The following MICB variants were observed in gnomAD, a reference collection of about 807,000 sequenced individuals.
The protein encoded by MICB is MHC class I polypeptide-related sequence B.
Under a neutral mutation model 34.3 loss-of-function variants are expected in MICB, and 27 were observed. The observed-to-expected ratio is 0.79, with a 90% CI of 0.58 to 1.08. The LOEUF (loss-of-function observed/expected upper bound fraction) is 1.08, where lower values mean the gene tolerates loss of function less well. MICB is among the 50% of genes least tolerant of loss of function. The pLI is 0.00. For synonymous variants in MICB, 153 were observed against 187.4 expected (o/e 0.82, Z 1.50); for missense variants, 426 against 483.1 (o/e 0.88, Z 1.11).
chr6:31,506,809 T>C lies in MICB; in HGVS notation c.614-213T>C, dbSNP rs1421111508. On this transcript the variant is annotated intron_variant, in intron 3 of 5. Coordinates refer to ENST00000252229, the MANE Select transcript of MICB (RefSeq NM_005931.5). The stretch of plus-strand genomic sequence containing the variant: ...TTGACATCCCCCTCCTCAGCATCAA[T>C]GTGGGGATCCCAGAGCCTGAGGCCA... 4.6e-5 allele frequency among the ~76,000 whole-genome samples: 7 copies of C among 152,016 alleles called. No homozygotes were observed. In the East Asian group the frequency reaches 1.4e-3, roughly 29 times the overall value.
upstream of MICB, among the ~76,000 whole-genome samples, chr6:31,497,310 C>A (rs567591870): frequency 1.5e-4 from 23 of 152,140 alleles, no homozygotes; most frequent in Admixed American, 5.9e-4. Flanking sequence ...TGTAGAGAGT[C>A]CTTGTAGATC....
rs764262714 is a variant in MICB, at chr6:31,498,245, C to A, written c.52C>A (p.Pro18Thr). The change falls in exon 1 of 6, where the codon CCC becomes ACC. Residue 18 changes from proline (P) to threonine (T), a missense_variant. By Grantham distance (38) the Pro-to-Thr change is conservative. Transcript: ENST00000252229. ...TCTGGCCGTCGCCTTCCCTTTTGCA[C>A]CCCCGGCAGCCGCCGCTGGTGAGTG... ...LFLAVAFPFA[P>T]PAAAAEPHSL... 1.3e-6 allele frequency: 2 copies of A among 1,575,892 alleles called. No homozygotes were observed. Among genetic ancestry groups the A allele is most frequent in the Non-Finnish European group, 1.7e-6 (2 of 1,158,960 alleles).
At chr6:31,501,082 TC>T (rs60716743) in intron 1 of MICB, among the ~76,000 whole-genome samples, 9,431 of 152,232 alleles carry the variant, frequency 0.062, 500 homozygotes, top group South Asian at 0.26. Flanking sequence ...TGCTACATCC[TC>T]GCCAGGATTC....
At position 31,498,219 on chromosome 6, in the gene MICB, T is replaced by C; in HGVS notation, c.26T>C (p.Phe9Ser). 2 of 1,585,714 alleles carry C rather than the reference T, an allele frequency of 1.3e-6. No homozygotes were observed. Among genetic ancestry groups the C allele is most frequent in the Non-Finnish European group, 1.7e-6 (2 of 1,164,186 alleles). Residue 9 changes from phenylalanine (F) to serine (S), a missense_variant, in exon 1 of 6, where the codon TTT becomes TCT. Phe to Ser is a radical substitution (Grantham distance 155, BLOSUM62 -2). Transcript: ENST00000252229. ...ATGGGGCTGGGCCGGGTCCTGCTGT[T>C]TCTGGCCGTCGCCTTCCCTTTTGCA... MGLGRVLLFLAVAFPFAPP... is the reference protein window; with the variant it reads MGLGRVLLSLAVAFPFAPP...
At position 31,510,108 on chromosome 6, in the gene MICB, T is replaced by C; in HGVS notation, c.*199T>C. On this transcript the variant is annotated 3_prime_UTR_variant, in exon 6 of 6. Coordinates refer to ENST00000252229, the MANE Select transcript of MICB (RefSeq NM_005931.5). ...CAAAGGGATCATGACCAACTCAACA[T>C]TCCATTGGAGGCTATATGATCAAAC... The C allele has an allele frequency of 4.0e-6, 2 of 497,812 alleles. No individual in the cohort carries two copies. The allele number at this position is 497,812 out of a possible 1,614,324, so 30.8% of individuals were successfully genotyped here.
At chr6:31,509,677 GA>G in intron 5 of MICB, 104 bp from the exon 6 acceptor site, 2 of 1,397,364 alleles carry the variant, frequency 1.4e-6, no homozygotes, top group Non-Finnish European at 1.9e-6. Context: ...TTCTCTCAGA[GA>G]AAGGGCGAAT....
intron 5 of MICB, among the ~76,000 whole-genome samples, chr6:31,509,218 G>T (rs3132465): frequency 0.81 from 122,730 of 152,162 alleles, 49,794 homozygotes; most frequent in East Asian, 0.91. Flanking sequence ...CCCAGGGTCA[G>T]GTCAGGTGCA....
intron 1 of MICB, among the ~76,000 whole-genome samples, chr6:31,502,552 G>C (rs955677765): frequency 6.6e-6 from 1 of 152,146 alleles, no homozygotes. Context: ...ATTATTTGCT[G>C]TTAGCACATA....
rs561263773 is a variant in MICB at position 31,509,044 on chromosome 6, C to G, written c.1025-738C>G. On this transcript the variant is annotated intron_variant, in intron 5 of 5. Coordinates refer to ENST00000252229, the MANE Select transcript of MICB (RefSeq NM_005931.5). ...GGTGGAATCCCTGCTAGGGACAGAG[C>G]AGGAAGGCCTCACAGCCTCACCAAG... Among the ~76,000 whole-genome samples the G allele has an allele frequency of 2.6e-5, 4 of 152,252 alleles. No homozygotes were observed. The East Asian group carries it at 5.8e-4, about 22-fold the overall frequency.
intron 1 of MICB, among the ~76,000 whole-genome samples, chr6:31,504,384 C>T (rs1366171641): frequency 2.0e-5 from 3 of 150,824 alleles, no homozygotes; most frequent in African/African-American, 2.4e-5. Context: ...CTCAGCCTCC[C>T]GAGTAGCTGG....
At chr6:31,500,396 C>T (rs1764956539) in intron 1 of MICB, among the ~76,000 whole-genome samples, 1 of 152,204 alleles carries the variant, frequency 6.6e-6, no homozygotes, top group East Asian at 1.9e-4. Context: ...GTCATAATCA[C>T]ATCAGGGTAA....
intron 1 of MICB, among the ~76,000 whole-genome samples, chr6:31,504,568 CTAAT>C (rs199923645): frequency 0.028 from 4,252 of 152,212 alleles, 59 homozygotes; most frequent in South Asian, 0.049. Context: ...CTTCTGGAAA[CTAAT>C]CTCTTATCAG....
upstream of MICB, among the ~76,000 whole-genome samples, chr6:31,497,504 G>C (rs1409810390): frequency 6.6e-6 from 1 of 152,100 alleles, no homozygotes; most frequent in Non-Finnish European, 1.5e-5. Flanking sequence ...GAGGATATAA[G>C]GGGGTGAAAG....
chr6:31,497,520 A>G (rs902047140), upstream of MICB, among the ~76,000 whole-genome samples: 51 of 151,894 alleles, frequency 3.4e-4, no homozygotes, highest in African/African-American at 1.2e-3. Context: ...GAAAGGGGGG[A>G]CCTGGCTTTG....
At chr6:31,509,575 G>C (rs930244235) in intron 5 of MICB, among the ~76,000 whole-genome samples, 4 of 152,190 alleles carry the variant, frequency 2.6e-5, no homozygotes, top group African/African-American at 9.7e-5. Context: ...GGTGGGCACA[G>C]GACAGGGGCT....
chr6:31,498,314 T>G, intron 1 of MICB, 51 bp downstream of exon 1: 1 of 1,449,672 alleles, frequency 6.9e-7, no homozygotes, highest in Non-Finnish European at 9.2e-7. Context: ...GCGGGGCGTT[T>G]CCGGGGGTCC....
chr6:31,507,295 C>A lies in MICB; in HGVS notation c.887C>A (p.Pro296His). The A allele has an allele frequency of 6.2e-7, 1 of 1,610,564 alleles. No homozygotes were observed. Among genetic ancestry groups the A allele is most frequent in the Non-Finnish European group, 8.5e-7 (1 of 1,178,602 alleles). ...GGGAATCACGGCACTCACCCTGTGC[C>A]CTCTGGTGAGCCTGGGGTGACCCTG... is the stretch of plus-strand genomic sequence containing the variant. ...HSGNHGTHPV[P>H]SGKALVLQSQ... Residue 296 changes from proline to histidine, a missense_variant, in exon 4 of 6, where the codon CCC becomes CAC. By Grantham distance (77) the Pro-to-His change is moderately conservative. Transcript: ENST00000252229. This position sits in a 1 kb window ranked among gnomAD's most constrained non-coding sequence, Gnocchi z 6.0.
upstream of MICB, chr6:31,494,926 G>A (rs1317314057): frequency 6.4e-6 from 1 of 156,386 alleles, no homozygotes; most frequent in African/African-American, 2.4e-5. Flanking sequence ...TTCTTTTCCG[G>A]ACCCTGCAGT....
intron 3 of MICB, among the ~76,000 whole-genome samples, chr6:31,506,808 A>G (rs1172917392): frequency 6.6e-6 from 1 of 152,064 alleles, no homozygotes; most frequent in Non-Finnish European, 1.5e-5. Flanking sequence ...CTCAGCATCA[A>G]TGTGGGGATC....
Sources: gnomAD v4.1 joint callset for allele counts (sites outside exome capture counted in the v4.1 genomes callset) on GRCh38, gnomAD v4.1.1 for gene constraint, Gnocchi (gnomAD v3.1) non-coding constraint, MANE v1.5 for transcripts, NCBI Gene and HGNC (gene_info 2026-07-23, HGNC 2026-07-21) for gene names.